Variants in EPS15 observed in about 807,000 individuals in gnomAD.
EPS15 encodes the protein epidermal growth factor receptor substrate 15.
A neutral mutation model predicts 113.8 loss-of-function variants in EPS15; 72 were observed. The observed-to-expected ratio is 0.63, with a 90% CI of 0.52 to 0.77. The LOEUF (loss-of-function observed/expected upper bound fraction) is 0.77, where lower values mean the gene tolerates loss of function less well. Among genes scored for constraint, EPS15 ranks in the 30% least tolerant of loss-of-function variants. The pLI, the probability that EPS15 is intolerant of heterozygous loss-of-function variation, is 0.00. For missense variants in EPS15, 1,048 were observed against 1,045.8 expected (o/e 1.00, Z -0.03); for synonymous variants, 344 against 363.4 (o/e 0.95, Z 0.61).
rs554985296 is a variant in EPS15 at position 51,399,423 on chromosome 1, G to A, written c.1919-258C>T. Among the ~76,000 whole-genome samples, 10 of 152,074 alleles carry A rather than the reference G, an allele frequency of 6.6e-5. No homozygotes were observed. In the East Asian group the frequency reaches 9.7e-4, roughly 15 times the overall value. ...AAAAATTAGCCAGGCATGGTGGTGC[G>A]CACCTATAGTCCCAGCTACTCGGGA... On this transcript the variant is annotated intron_variant, in intron 19 of 24. Transcript: ENST00000371733.
intron 8 of EPS15, among the ~76,000 whole-genome samples, chr1:51,450,144 G>A (rs1191823916): frequency 6.6e-6 from 1 of 151,744 alleles, no homozygotes; most frequent in Non-Finnish European, 1.5e-5. Context: ...TAGCTGTGGT[G>A]AAGGATTGGG....
At chr1:51,393,193 A>G (rs1459567787) in intron 21 of EPS15, among the ~76,000 whole-genome samples, 2 of 152,230 alleles carry the variant, frequency 1.3e-5, no homozygotes, top group Non-Finnish European at 2.9e-5. Context: ...TTTGTTCATT[A>G]TAAGAAACCC....
intron 1 of EPS15, among the ~76,000 whole-genome samples, chr1:51,503,682 T>A (rs965814173): frequency 2.0e-5 from 3 of 152,022 alleles, no homozygotes; most frequent in Non-Finnish European, 4.4e-5. Context: ...GACTAACACA[T>A]CCCAATTTCA....
At chr1:51,457,976 C>T (rs984616843) in intron 8 of EPS15, 1 of 152,018 alleles carries the variant, frequency 6.6e-6, no homozygotes, top group Non-Finnish European at 1.5e-5. Flanking sequence ...AATATAAGTG[C>T]TATTATCTTA....
At chr1:51,384,824 G>A (rs899796098) in intron 21 of EPS15, among the ~76,000 whole-genome samples, 14 of 152,214 alleles carry the variant, frequency 9.2e-5, no homozygotes, top group African/African-American at 2.4e-4. Context: ...TTCAAGAAAC[G>A]TGCCAAGAAC....
chr1:51,442,642 T>C (rs535900352), intron 11 of EPS15, among the ~76,000 whole-genome samples: 55 of 152,168 alleles, frequency 3.6e-4, no homozygotes, highest in Non-Finnish European at 6.9e-4. Context: ...GTTAAGTGGA[T>C]CAGAGAGCCT....
intron 1 of EPS15, among the ~76,000 whole-genome samples, chr1:51,488,472 T>TAAAAAAAAAAAAAAAAAA (rs71063033): frequency 5.9e-5 from 5 of 85,300 alleles, no homozygotes; most frequent in Non-Finnish European, 6.8e-5. Context: ...TAAAGTTTTG[T>TAAAAAAAAAAAAAAAAAA]AAAAAAAAAA....
chr1:51,451,659 A>G (rs1653579632), intron 8 of EPS15, among the ~76,000 whole-genome samples: 1 of 151,672 alleles, frequency 6.6e-6, no homozygotes, highest in African/African-American at 2.4e-5. Context: ...TGATTCTTGA[A>G]CCATGACAAG....
chr1:51,496,297 G>A (rs1430343175), intron 1 of EPS15, among the ~76,000 whole-genome samples: 1 of 152,140 alleles, frequency 6.6e-6, no homozygotes, highest in Non-Finnish European at 1.5e-5. Context: ...CATTAAGTTT[G>A]TTGCCTTTAT....
chr1:51,517,300 T>C (rs1644737995), intron 1 of EPS15, among the ~76,000 whole-genome samples: 2 of 152,242 alleles, frequency 1.3e-5, no homozygotes. Context: ...GGATAATAGC[T>C]ACTACTGATT....
At chr1:51,397,278 T>C (rs1008548930) in intron 20 of EPS15, 1 of 152,196 alleles carries the variant, frequency 6.6e-6, no homozygotes, top group East Asian at 1.9e-4. Context: ...CAGAGGAAAT[T>C]AGATAAACTG....
intron 12 of EPS15, among the ~76,000 whole-genome samples, chr1:51,428,762 G>A (rs1441012974): frequency 2.0e-5 from 3 of 149,294 alleles, no homozygotes; most frequent in African/African-American, 7.5e-5. Context: ...AGGAGGCAGA[G>A]GTTGCAGTGA....
At chr1:51,373,031 G>A in intron 21 of EPS15, 1 of 236,284 alleles carries the variant, frequency 4.2e-6, no homozygotes, top group South Asian at 6.3e-5. Flanking sequence ...ATGGCAGTGG[G>A]GTACTCTGCC....
At chr1:51,486,718 AC>A (rs1380067229) in intron 1 of EPS15, among the ~76,000 whole-genome samples, 3 of 151,888 alleles carry the variant, frequency 2.0e-5, no homozygotes, top group African/African-American at 7.3e-5. Context: ...TGCTCTTGTT[AC>A]CCAGGCTGGA....
At chr1:51,446,489 T>C (rs1570322691) in intron 10 of EPS15, among the ~76,000 whole-genome samples, 1 of 151,586 alleles carries the variant, frequency 6.6e-6, no homozygotes, top group Admixed American at 6.6e-5. Flanking sequence ...GTTTCATTCT[T>C]GTTGCCCAGG....
At position 51,408,137 on chromosome 1, in the gene EPS15, A is replaced by G. The variant is rs1471944244; in HGVS notation, c.1471T>C (p.Ser491Pro). ...TTTCTTGCTTTACAAAGACTTACTGAACTAATTTCCTGTTGTGAATCTTGT... is the reference window on the plus strand; with the variant it reads ...TTTCTTGCTTTACAAAGACTTACTGGACTAATTTCCTGTTGTGAATCTTGT... Reference protein sequence around the residue: ...HLQDSQQEISSMQMKLMEMKD... With the variant: ...HLQDSQQEISPMQMKLMEMKD... Residue 491 changes from serine (S) to proline (P), a missense_variant and splice_region_variant, in exon 15 of 25, where the codon TCA (serine) becomes CCA (proline). Coordinates refer to ENST00000371733, the MANE Select transcript of EPS15 (RefSeq NM_001981.3). 6 of 1,613,368 alleles carry G rather than the reference A, an allele frequency of 3.7e-6. No individual in the cohort carries two copies. The highest frequency in any genetic ancestry group is 1.6e-4 in the Middle Eastern group (1 of 6,084).
At chr1:51,516,734 T>C (rs1393411640) in intron 1 of EPS15, among the ~76,000 whole-genome samples, 1 of 152,100 alleles carries the variant, frequency 6.6e-6, no homozygotes, top group Non-Finnish European at 1.5e-5. Flanking sequence ...TATAAAAATA[T>C]TTGCTGAATG....
chr1:51,442,696 GACAAAAGCATGC>G (rs1252734137), intron 11 of EPS15, among the ~76,000 whole-genome samples: 5 of 152,216 alleles, frequency 3.3e-5, no homozygotes, highest in Admixed American at 3.3e-4. Flanking sequence ...AGTGACATGT[GACAAAAGCATGC>G]TGTTTAGGAA....
At chr1:51,378,449 G>C (rs952088592) in intron 21 of EPS15, among the ~76,000 whole-genome samples, 1 of 151,978 alleles carries the variant, frequency 6.6e-6, no homozygotes, top group Admixed American at 6.6e-5. Context: ...TTGAGCCCAG[G>C]AATTCAAGAC....
Sources: gnomAD v4.1 joint callset for allele counts (sites outside exome capture counted in the v4.1 genomes callset) on GRCh38, gnomAD v4.1.1 for gene constraint, MANE v1.5 for transcripts, NCBI Gene and HGNC (gene_info 2026-07-23, HGNC 2026-07-21) for gene names.